GDNF: variants seen among roughly 807,000 people sequenced by gnomAD.
GDNF encodes glial cell derived neurotrophic factor.
In GDNF, 5 loss-of-function variants were observed where a neutral mutation model predicts 13.7. The observed-to-expected ratio is 0.36, with a 90% CI of 0.19 to 0.77. The LOEUF is 0.77. Ranked by LOEUF, GDNF falls within the 30% of genes least tolerant of loss-of-function variation. The pLI is 0.51. For synonymous variants in GDNF, 122 were observed against 112.5 expected (o/e 1.08, Z -0.53); for missense variants, 246 against 274.3 (o/e 0.90, Z 0.73).
intron 2 of GDNF, among the ~76,000 whole-genome samples, chr5:37,832,114 G>C (rs1750541864): frequency 6.6e-6 from 1 of 152,206 alleles, no homozygotes; most frequent in Non-Finnish European, 1.5e-5. Flanking sequence ...TGTGCAAACT[G>C]TGTATATTCT....
At chr5:37,827,208 T>A (rs528091762) in intron 2 of GDNF, among the ~76,000 whole-genome samples, 2,074 of 142,310 alleles carry the variant, frequency 0.015, 52 homozygotes, top group Admixed American at 0.054. Context: ...TCCTGGGTTT[T>A]AAAAAAAAAA....
intron 2 of GDNF, among the ~76,000 whole-genome samples, chr5:37,819,707 C>T (rs1429502210): frequency 1.3e-5 from 2 of 152,136 alleles, no homozygotes; most frequent in Non-Finnish European, 2.9e-5. Context: ...TCCGCCTCAG[C>T]CTCCCAAAAT....
chr5:37,817,743 C>T (rs1413430270), intron 2 of GDNF, among the ~76,000 whole-genome samples: 1 of 152,142 alleles, frequency 6.6e-6, no homozygotes, highest in East Asian at 1.9e-4. Context: ...ACGGAAATCA[C>T]AAAGCTGTTT....
At chr5:37,826,398 A>C (rs1359907107) in intron 2 of GDNF, among the ~76,000 whole-genome samples, 3 of 152,206 alleles carry the variant, frequency 2.0e-5, no homozygotes, top group African/African-American at 7.2e-5. Flanking sequence ...AAGATTGCCC[A>C]AAAGGGGATC....
intron 2 of GDNF, among the ~76,000 whole-genome samples, chr5:37,820,938 A>G (rs1750116465): frequency 7.0e-6 from 1 of 142,058 alleles, no homozygotes; most frequent in African/African-American, 2.8e-5. Context: ...GTCATGAAAA[A>G]TAGAAGAAAC....
chr5:37,819,822 T>TCAAAA (rs569419080), intron 2 of GDNF, among the ~76,000 whole-genome samples: 199 of 152,118 alleles, frequency 1.3e-3, no homozygotes, highest in African/African-American at 4.5e-3. Flanking sequence ...AAGTTTTCTT[T>TCAAAA]CAAAACAAAA....
intron 1 of GDNF, chr5:37,835,694 GA>G: frequency 6.5e-7 from 1 of 1,542,298 alleles, no homozygotes; most frequent in Non-Finnish European, 8.8e-7. Context: ...TGGTATACCC[GA>G]AAACCCTCTC....
In GDNF at chr5:37,816,097, C is replaced by T. The variant is rs1009810191; in HGVS notation, c.190G>A (p.Val64Ile). ...ATGGTGGCTTGAATAAAATCCATGA[C>T]ATCATCGAACTGATCAGGATAATCC... is the stretch of plus-strand genomic sequence containing the variant. ...PEDYPDQFDD[V>I]MDFIQATIKR... Residue 64 changes from valine (V) to isoleucine (I), a missense_variant, in exon 3 of 3, where the codon GTC becomes ATC. Transcript: ENST00000326524. The T allele has an allele frequency of 2.5e-6, 4 of 1,613,146 alleles. No individual in the cohort carries two copies. Among genetic ancestry groups the T allele is most frequent in the East Asian group, 2.2e-5 (1 of 44,902 alleles).
At position 37,837,926 on chromosome 5, in the gene GDNF, C is replaced by A. The variant is rs528552175; in HGVS notation, c.-27+1581G>T. ...GGGAGGTTTGTTTGGGCTTTGCCTT[C>A]AAGATCCAGGTCTCAGAGAGAGAAA... On this transcript the variant is annotated intron_variant, in intron 1 of 2. Transcript: ENST00000326524. This position sits in a 1 kb window ranked among gnomAD's most constrained non-coding sequence, Gnocchi z 6.5. 2.6e-5 allele frequency among the ~76,000 whole-genome samples: 4 copies of A among 151,436 alleles called. No homozygotes were observed. The East Asian group carries it at 5.8e-4, about 22-fold the overall frequency.
At position 37,816,109 on chromosome 5, in the gene GDNF, G is replaced by T; in HGVS notation, c.178C>A (p.Gln60Lys). ...DSNMPEDYPD[Q>K]FDDVMDFIQA... ...ATAAAATCCATGACATCATCGAACTGATCAGGATAATCCTCTGGCATATTT... is the reference window on the plus strand; with the variant it reads ...ATAAAATCCATGACATCATCGAACTTATCAGGATAATCCTCTGGCATATTT... Residue 60 changes from glutamine (Q) to lysine (K), a missense_variant, in exon 3 of 3, where the codon CAG becomes AAG. Coordinates refer to ENST00000326524, the MANE Select transcript of GDNF (RefSeq NM_000514.4). 6.2e-7 allele frequency: 1 copy of T among 1,613,114 alleles called. No individual in the cohort carries two copies. The highest frequency in any genetic ancestry group is 8.5e-7 in the Non-Finnish European group (1 of 1,179,098).
chr5:37,828,988 C>A lies in GDNF; in HGVS notation c.151+5658G>T, dbSNP rs535648637. Among the ~76,000 whole-genome samples the A allele has an allele frequency of 3.3e-5, 5 of 152,386 alleles. No homozygotes were observed. The East Asian group carries it at 9.6e-4, about 29-fold the overall frequency. ...CTGGGTATTTAGGTAACTTCTCCTG[C>A]AAGACAGCTTTGAAGCAAGATCCCG... On this transcript the variant is annotated intron_variant, in intron 2 of 2. Coordinates refer to ENST00000326524, the MANE Select transcript of GDNF (RefSeq NM_000514.4).
rs1190343256 is a variant in GDNF, at chr5:37,834,838, G to A, written c.-26-16C>T. On this transcript the variant is annotated splice_polypyrimidine_tract_variant and intron_variant, in intron 1 of 2. Transcript: ENST00000326524. Reference sequence around the variant, plus strand: ...GCGGCGGCACCTGCGCGGGCAGGCGGGAGGTGGGGGAGAGAACCGCAGAAT... The same window carrying A: ...GCGGCGGCACCTGCGCGGGCAGGCGAGAGGTGGGGGAGAGAACCGCAGAAT... The A allele has an allele frequency of 6.2e-7, 1 of 1,610,962 alleles. No homozygotes were observed. Among genetic ancestry groups the A allele is most frequent in the Admixed American group, 1.7e-5 (1 of 59,974 alleles).
At chr5:37,823,713 GT>G (rs1355309658) in intron 2 of GDNF, among the ~76,000 whole-genome samples, 3 of 152,240 alleles carry the variant, frequency 2.0e-5, no homozygotes, top group African/African-American at 7.2e-5. Context: ...CCGGATTCCA[GT>G]CTTGGGTCAG....
chr5:37,833,177 G>A (rs972905064), intron 2 of GDNF, among the ~76,000 whole-genome samples: 13 of 152,166 alleles, frequency 8.5e-5, no homozygotes, highest in African/African-American at 2.7e-4. Context: ...TCTTGGCAAC[G>A]TCTGGGTTAG....
intron 2 of GDNF, among the ~76,000 whole-genome samples, chr5:37,820,707 C>T (rs2910707): frequency 6.6e-6 from 1 of 152,132 alleles, no homozygotes; most frequent in East Asian, 1.9e-4. Context: ...GAACTCTCTG[C>T]CTTCCTTTCA....
rs1475231887 is a variant in GDNF, at chr5:37,834,702, G to A, written c.95C>T (p.Pro32Leu). Residue 32 changes from proline (P) to leucine (L), a missense_variant, in exon 2 of 3, where the codon CCC becomes CTC. Pro to Leu is a moderately conservative substitution (Grantham distance 98, BLOSUM62 -3). Coordinates refer to ENST00000326524, the MANE Select transcript of GDNF (RefSeq NM_000514.4). ...LPAGKRPPEA[P>L]AEDRSLGRRR... Reference sequence around the variant, plus strand: ...GCGGCCGAGGGAGCGGTCTTCGGCGGGCGCCTCGGGAGGCCTCTTACCGGC... The same window carrying A: ...GCGGCCGAGGGAGCGGTCTTCGGCGAGCGCCTCGGGAGGCCTCTTACCGGC... 1.2e-6 allele frequency: 2 copies of A among 1,610,130 alleles called. No homozygotes were observed. The highest frequency in any genetic ancestry group is 1.7e-5 in the Admixed American group (1 of 59,856).
At position 37,816,073 on chromosome 5, in the gene GDNF, T is replaced by C. The variant is rs1343998388; in HGVS notation, c.214A>G (p.Ile72Val). The change falls in exon 3 of 3, where the codon ATT becomes GTT. Residue 72 changes from isoleucine to valine, a missense_variant. Physicochemically the swap from Ile to Val is conservative, Grantham distance 29 (BLOSUM62 3). Coordinates refer to ENST00000326524, the MANE Select transcript of GDNF (RefSeq NM_000514.4). Reference sequence around the variant, plus strand: ...TCTGGTGACCTTTTCAGTCTTTTAATGGTGGCTTGAATAAAATCCATGACA... The same window carrying C: ...TCTGGTGACCTTTTCAGTCTTTTAACGGTGGCTTGAATAAAATCCATGACA... ...DDVMDFIQAT[I>V]KRLKRSPDKQ... is the part of the protein sequence containing the mutation. 1 of 1,613,580 alleles carries C rather than the reference T, an allele frequency of 6.2e-7. No homozygotes were observed. Among genetic ancestry groups the C allele is most frequent in the South Asian group, 1.1e-5 (1 of 91,064 alleles).
In GDNF at chr5:37,813,985, A is replaced by C. The variant is rs1435912722; in HGVS notation, c.*1666T>G. Reference sequence around the variant, plus strand: ...GCCATCTGCTCCCCAGGGAGCTGTCAGGTGTTTGGGTATATAGGAGCAGCA... The same window carrying C: ...GCCATCTGCTCCCCAGGGAGCTGTCCGGTGTTTGGGTATATAGGAGCAGCA... On this transcript the variant is annotated 3_prime_UTR_variant, in exon 3 of 3. Coordinates refer to ENST00000326524, the MANE Select transcript of GDNF (RefSeq NM_000514.4). The C allele has an allele frequency of 6.5e-6, 1 of 152,738 alleles. No homozygotes were observed. The highest frequency in any genetic ancestry group is 1.5e-5 in the Non-Finnish European group (1 of 68,202). The allele number at this position is 152,738 out of a possible 1,614,324, so 9.5% of individuals were successfully genotyped here. A position where few individuals can be genotyped will look rare whatever the true frequency, so the allele number is the denominator to read the frequency against.
At position 37,815,309 on chromosome 5, in the gene GDNF, A is replaced by G; in HGVS notation, c.*342T>C. The G allele has an allele frequency of 2.6e-6, 1 of 378,608 alleles. No individual in the cohort carries two copies. Among genetic ancestry groups the G allele is most frequent in the Non-Finnish European group, 4.9e-6 (1 of 202,872 alleles). 23.5% of individuals were successfully genotyped at this position (378,608 alleles called of 1,614,324 possible). On this transcript the variant is annotated 3_prime_UTR_variant, in exon 3 of 3. Coordinates refer to ENST00000326524, the MANE Select transcript of GDNF (RefSeq NM_000514.4). This position sits in a 1 kb window ranked among gnomAD's most constrained non-coding sequence, Gnocchi z 5.0. ...TGCATCCACCGCAACCGCGCCGGTAATCAGTGATGGTGGACTGTATCAGCT... is the reference window on the plus strand; with the variant it reads ...TGCATCCACCGCAACCGCGCCGGTAGTCAGTGATGGTGGACTGTATCAGCT...
Sources: gnomAD v4.1 joint callset for allele counts (sites outside exome capture counted in the v4.1 genomes callset) on GRCh38, gnomAD v4.1.1 for gene constraint, Gnocchi (gnomAD v3.1) non-coding constraint, MANE v1.5 for transcripts, NCBI Gene and HGNC (gene_info 2026-07-23, HGNC 2026-07-21) for gene names.